The following MYOM1 variants were observed in gnomAD, a reference collection of about 807,000 sequenced individuals.
The protein encoded by MYOM1 is myomesin-1.
MYOM1 carries 164 observed loss-of-function variants against 205.3 expected under a neutral mutation model. The ratio of observed to expected loss-of-function variants is 0.80; its 90% CI spans 0.70 to 0.91. MYOM1 has a LOEUF of 0.91. Ranked by LOEUF, MYOM1 falls within the 40% of genes least tolerant of loss-of-function variation. The pLI is 0.00. For synonymous variants in MYOM1, 772 were observed against 789.4 expected, an observed-to-expected ratio of 0.98 and a Z score of 0.37; for missense variants, 2,011 against 2,127.3, an observed-to-expected ratio of 0.95 and a Z score of 1.08.
At chr18:3,129,704 G>A in intron 17 of MYOM1, 185 bp from the exon 18 acceptor site, 1 of 517,692 alleles carries the variant, frequency 1.9e-6, no homozygotes. Flanking sequence ...TATACGCCAA[G>A]GAACATTTCA....
intron 1 of MYOM1, among the ~76,000 whole-genome samples, chr18:3,215,610 T>C (rs2081255617): frequency 1.3e-5 from 2 of 151,910 alleles, no homozygotes; most frequent in East Asian, 3.9e-4. Context: ...AAAAACAAAA[T>C]AAAATAAAAA....
At chr18:3,210,788 G>C (rs1483159173) in intron 2 of MYOM1, among the ~76,000 whole-genome samples, 1 of 152,226 alleles carries the variant, frequency 6.6e-6, no homozygotes, top group Non-Finnish European at 1.5e-5. Flanking sequence ...CCCGTGGAAA[G>C]GGTGGGGACC....
intron 20 of MYOM1, 103 bp downstream of exon 20, chr18:3,119,766 C>T: frequency 5.8e-6 from 8 of 1,373,704 alleles, no homozygotes; most frequent in South Asian, 1.8e-5. Flanking sequence ...AATTCTTTTC[C>T]CTTAAATATT....
chr18:3,101,989 A>ATTT lies in MYOM1; in HGVS notation c.3575+482_3575+484dup, dbSNP rs35882298. Reference sequence around the variant, plus strand: ...GTGTGAGCCAATGAGTCAGTCTGGGATTTTTTTTTTTTTTTTTTTTTTTTT... The same window carrying ATTT: ...GTGTGAGCCAATGAGTCAGTCTGGGATTTTTTTTTTTTTTTTTTTTTTTTTTTT... On this transcript the variant is annotated intron_variant, in intron 23 of 37. Coordinates refer to ENST00000356443, the MANE Select transcript of MYOM1 (RefSeq NM_003803.4). Among the ~76,000 whole-genome samples, 126 of 55,858 alleles carry ATTT rather than the reference A, an allele frequency of 2.3e-3. 7 individuals are homozygous for ATTT. Among genetic ancestry groups the ATTT allele is most frequent in the Non-Finnish European group, 2.8e-3 (90 of 32,568 alleles). 36.6% of individuals were successfully genotyped at this position (55,858 alleles called of 152,430 possible).
intron 20 of MYOM1, among the ~76,000 whole-genome samples, chr18:3,118,429 T>C (rs1795644921): frequency 1.3e-5 from 2 of 152,138 alleles, no homozygotes; most frequent in Non-Finnish European, 2.9e-5. Flanking sequence ...CACTGCAGCC[T>C]TGACCTCGTG....
chr18:3,238,834 C>T, the MYOM1 span, among the ~76,000 whole-genome samples: 1 of 152,138 alleles, frequency 6.6e-6, no homozygotes, highest in African/African-American at 2.4e-5. Flanking sequence ...TGGCTCCTGA[C>T]CCCTTCTTCC....
Position 3,188,883 on chromosome 18 carries a change from C to A in MYOM1, c.636G>T (p.Arg212Ser). The change falls in exon 4 of 38, where the codon AGG becomes AGT. Residue 212 changes from arginine (R) to serine (S), a missense_variant. Transcript: ENST00000356443. The stretch of plus-strand genomic sequence containing the variant: ...CAGACTGCCTGGATGCCGTGGACTG[C>A]CTGGATGCCGTGGACTGCTTGGATG... ...STASKQSTASRQSTASRQSVV... is the reference protein window; with the variant it reads ...STASKQSTASSQSTASRQSVV... 6.2e-7 allele frequency: 1 copy of A among 1,611,858 alleles called. No individual in the cohort carries two copies. The highest frequency in any genetic ancestry group is 8.5e-7 in the Non-Finnish European group (1 of 1,178,870).
chr18:3,107,076 C>T (rs902124571), intron 22 of MYOM1, among the ~76,000 whole-genome samples: 37 of 151,892 alleles, frequency 2.4e-4, no homozygotes, highest in African/African-American at 8.9e-4. Flanking sequence ...ATAAAGGAAA[C>T]AAATAAAAAC....
At chr18:3,214,875 T>C in intron 2 of MYOM1, 59 bp downstream of exon 2, 1 of 1,497,358 alleles carries the variant, frequency 6.7e-7, no homozygotes, top group Non-Finnish European at 8.9e-7. Flanking sequence ...CTGGGAGGGT[T>C]ACTCAGAGCA....
At position 3,067,326 on chromosome 18, in the gene MYOM1, A is replaced by C; in HGVS notation, c.4994T>G (p.Ile1665Ser). 6.2e-7 allele frequency: 1 copy of C among 1,611,946 alleles called. No individual in the cohort carries two copies. Among genetic ancestry groups the C allele is most frequent in the East Asian group, 2.2e-5 (1 of 44,876 alleles). The change falls in exon 38 of 38, where the codon ATC (isoleucine) becomes AGC (serine). Residue 1665 changes from isoleucine (I) to serine (S), a missense_variant. Coordinates refer to ENST00000356443, the MANE Select transcript of MYOM1 (RefSeq NM_003803.4). The part of the protein sequence containing the change: ...ETSDFTVSVF[I>S]PEEEARMAAL... ...GGCCATCCTCGCCTCCTCCTCTGGGATGAACACGCTGACGGTGAAGTCGCT... is the reference window on the plus strand; with the variant it reads ...GGCCATCCTCGCCTCCTCCTCTGGGCTGAACACGCTGACGGTGAAGTCGCT...
At chr18:3,127,440 T>C (rs113932257) in intron 18 of MYOM1, among the ~76,000 whole-genome samples, 5,339 of 150,930 alleles carry the variant, frequency 0.035, 125 homozygotes, top group Non-Finnish European at 0.056. Context: ...TCCCAAGTAG[T>C]TGGGATTATA....
rs1340567418 is a variant in MYOM1 at position 3,116,423 on chromosome 18, T to A, written c.3211A>T (p.Thr1071Ser). The A allele has an allele frequency of 1.9e-6, 3 of 1,613,838 alleles. No homozygotes were observed. The highest frequency in any genetic ancestry group is 2.5e-6 in the Non-Finnish European group (3 of 1,179,848). ...PPVHSGRTPVTGYFVDLKEAK... is the reference protein window; with the variant it reads ...PPVHSGRTPVSGYFVDLKEAK... ...TCCTTCAAGTCCACGAAGTAACCAG[T>A]GACCGGAGTCCGCCCGGAGTGGACT... The change falls in exon 21 of 38, where the codon ACT (threonine) becomes TCT (serine). Residue 1071 changes from threonine to serine, a missense_variant. Transcript: ENST00000356443.
At chr18:3,070,863 G>A (rs554142875) in intron 37 of MYOM1, among the ~76,000 whole-genome samples, 5 of 151,672 alleles carry the variant, frequency 3.3e-5, no homozygotes, top group Admixed American at 6.6e-5. Flanking sequence ...GGGCTCAAGC[G>A]GTCCTCCCAC....
Position 3,090,730 on chromosome 18 carries a change from C to T in MYOM1, c.3937G>A (p.Glu1313Lys). 1 of 1,613,962 alleles carries T rather than the reference C, an allele frequency of 6.2e-7. No individual in the cohort carries two copies. Among genetic ancestry groups the T allele is most frequent in the Non-Finnish European group, 8.5e-7 (1 of 1,179,858 alleles). ...MFMEKLQDED[E>K]GTYTFQLQDG... ...TGAAGCTGGAAAGTGTACGTTCCCT[C>T]ATCCTCATCCTGTAGCTTTTCCATG... is the stretch of plus-strand genomic sequence containing the variant. The change falls in exon 27 of 38, where the codon GAG becomes AAG. Residue 1313 changes from glutamate to lysine, a missense_variant. Transcript: ENST00000356443.
At position 3,067,186 on chromosome 18, in the gene MYOM1, T is replaced by G; in HGVS notation, c.*76A>C. Reference sequence around the variant, plus strand: ...AGAAAATAATAGGGAGGAGAAAGCATGAAGACGTCTCATCCTTAACCCAAA... The same window carrying G: ...AGAAAATAATAGGGAGGAGAAAGCAGGAAGACGTCTCATCCTTAACCCAAA... On this transcript the variant is annotated 3_prime_UTR_variant, in exon 38 of 38. Coordinates refer to ENST00000356443, the MANE Select transcript of MYOM1 (RefSeq NM_003803.4). The G allele has an allele frequency of 1.4e-6, 2 of 1,441,058 alleles. No individual in the cohort carries two copies. Among genetic ancestry groups the G allele is most frequent in the Non-Finnish European group, 1.9e-6 (2 of 1,072,220 alleles). 89.3% of individuals were successfully genotyped at this position (1,441,058 alleles called of 1,614,324 possible).
At chr18:3,246,837 G>A in the MYOM1 span, 2 of 152,248 alleles carry the variant, frequency 1.3e-5, no homozygotes, top group Non-Finnish European at 2.9e-5. Context: ...TGAGGTCAGA[G>A]AGCTGAGGGG....
At chr18:3,129,865 T>C (rs770502890) in intron 17 of MYOM1, among the ~76,000 whole-genome samples, 4 of 152,102 alleles carry the variant, frequency 2.6e-5, no homozygotes, top group Non-Finnish European at 5.9e-5. Context: ...TAAGCCCTAT[T>C]ATTCAACAGA....
chr18:3,172,442 G>A (rs983929876), intron 8 of MYOM1, among the ~76,000 whole-genome samples: 1 of 152,148 alleles, frequency 6.6e-6, no homozygotes, highest in Non-Finnish European at 1.5e-5. Context: ...ACATTCAGAG[G>A]ATTGTGACGT....
At chr18:3,151,243 C>A (rs1422563674) in intron 12 of MYOM1, among the ~76,000 whole-genome samples, 2 of 151,402 alleles carry the variant, frequency 1.3e-5, no homozygotes, top group Non-Finnish European at 2.9e-5. Flanking sequence ...ACGCACTGTG[C>A]TGAGATATTA....
Sources: allele counts gnomAD v4.1 joint callset (sites outside exome capture counted in the v4.1 genomes callset), GRCh38; gene constraint gnomAD v4.1.1; transcripts MANE v1.5; gene names NCBI Gene and HGNC (gene_info 2026-07-23, HGNC 2026-07-21).